The following DENND2B variants were observed in gnomAD, a reference collection of about 807,000 sequenced individuals.
DENND2B encodes the protein DENN domain-containing protein 2B.
A neutral mutation model predicts 116.0 loss-of-function variants in DENND2B; 32 were observed. That is an observed-to-expected ratio of 0.28 (90% CI 0.21 to 0.37). The LOEUF is 0.37. Ranked by LOEUF, DENND2B falls within the 10% of genes least tolerant of loss-of-function variation. The pLI, the probability that DENND2B is intolerant of heterozygous loss-of-function variation, is 1.00. For synonymous variants in DENND2B, 588 were observed against 583.9 expected (o/e 1.01, Z -0.10); for missense variants, 1,276 against 1,477.7 (o/e 0.86, Z 2.24).
chr11:8,716,903 A>T (rs1172822018), intron 5 of DENND2B, among the ~76,000 whole-genome samples: 1 of 152,224 alleles, frequency 6.6e-6, no homozygotes, highest in Non-Finnish European at 1.5e-5. Flanking sequence ...TTGGCCTCCC[A>T]AAGTGCTAGG....
At chr11:8,777,163 T>G (rs964113497) in intron 1 of DENND2B, among the ~76,000 whole-genome samples, 2 of 152,158 alleles carry the variant, frequency 1.3e-5, no homozygotes, top group Admixed American at 6.5e-5. Context: ...ATGCCTCACA[T>G]CTAGTCCTAA....
Position 8,712,625 on chromosome 11 carries a change from A to C in DENND2B, c.2098T>G (p.Phe700Val), listed in dbSNP as rs773783848. Reference protein sequence around the residue: ...EWQERELFEYFVVVSLKKKPS... With the variant: ...EWQERELFEYVVVVSLKKKPS... ...TTCTTCTTGAGGGACACCACCACAA[A>C]GTACTCAAAAAGCTCCCGCTCCTGC... The change falls in exon 9 of 20, where the codon TTT becomes GTT. Residue 700 changes from phenylalanine (F) to valine (V), a missense_variant. Physicochemically the swap from Phe to Val is conservative, Grantham distance 50. Coordinates refer to ENST00000313726, the MANE Select transcript of DENND2B (RefSeq NM_213618.2). The surrounding 1 kb of genome is among the most constrained non-coding windows in gnomAD (Gnocchi z 4.4). 4.5e-6 allele frequency: 7 copies of C among 1,569,854 alleles called. No homozygotes were observed. Among genetic ancestry groups the C allele is most frequent in the South Asian group, 1.2e-5 (1 of 85,490 alleles).
At chr11:8,823,858 T>A (rs538724317) in intron 4 of DENND2B, among the ~76,000 whole-genome samples, 94 of 152,124 alleles carry the variant, frequency 6.2e-4, no homozygotes, top group African/African-American at 2.2e-3. Flanking sequence ...ACCCTTTTTT[T>A]CCTTTTTTTG....
At chr11:8,729,217 C>T (rs573633795) in intron 3 of DENND2B, among the ~76,000 whole-genome samples, 2 of 152,290 alleles carry the variant, frequency 1.3e-5, no homozygotes, top group African/African-American at 4.8e-5. Context: ...AGGAAGCTCA[C>T]TCCCAGCCTA....
chr11:8,849,544 C>T (rs2062933650), intron 3 of DENND2B, among the ~76,000 whole-genome samples: 1 of 148,560 alleles, frequency 6.7e-6, no homozygotes, highest in Non-Finnish European at 1.5e-5. Context: ...ACTGATAAGG[C>T]CAGGCATGGT....
chr11:8,908,799 C>T (rs904102226), intron 1 of DENND2B, among the ~76,000 whole-genome samples: 1 of 152,136 alleles, frequency 6.6e-6, no homozygotes, highest in African/African-American at 2.4e-5. Flanking sequence ...ATTTTATGTG[C>T]ATTCTTTCCT....
intron 1 of DENND2B, among the ~76,000 whole-genome samples, chr11:8,889,516 C>T (rs1318486240): frequency 6.6e-6 from 1 of 152,062 alleles, no homozygotes; most frequent in Non-Finnish European, 1.5e-5. Flanking sequence ...TGACAGACAG[C>T]ACCTGGAAAA....
At chr11:8,819,244 A>G (rs1286220576) in intron 4 of DENND2B, among the ~76,000 whole-genome samples, 1 of 152,034 alleles carries the variant, frequency 6.6e-6, no homozygotes, top group East Asian at 1.9e-4. Context: ...AAAAATAAAA[A>G]ACAGCCAGGC....
chr11:8,837,210 G>C (rs1002233565), intron 4 of DENND2B, among the ~76,000 whole-genome samples: 1 of 148,698 alleles, frequency 6.7e-6, no homozygotes. Context: ...CAGGGATAAG[G>C]AAGAAATGTA....
chr11:8,696,068 A>G (rs1565610911), intron 18 of DENND2B: 2 of 278,334 alleles, frequency 7.2e-6, no homozygotes, highest in Non-Finnish European at 1.4e-5. Flanking sequence ...CTGTAAGGGA[A>G]TTCCCAACCA....
At chr11:8,713,643 G>A (rs2044188358) in intron 8 of DENND2B, among the ~76,000 whole-genome samples, 1 of 152,196 alleles carries the variant, frequency 6.6e-6, no homozygotes, top group African/African-American at 2.4e-5. Flanking sequence ...GCCTCCCAAA[G>A]TGCTGGGATT....
At chr11:8,902,466 T>C (rs2064182746) in intron 1 of DENND2B, among the ~76,000 whole-genome samples, 1 of 152,256 alleles carries the variant, frequency 6.6e-6, no homozygotes. Flanking sequence ...GCAAGTGCTA[T>C]ATCTTCCAGA....
intron 3 of DENND2B, among the ~76,000 whole-genome samples, chr11:8,850,468 G>C (rs2062966468): frequency 6.6e-6 from 1 of 151,016 alleles, no homozygotes; most frequent in African/African-American, 2.4e-5. Flanking sequence ...AATCATCAGG[G>C]AAATGCAAAT....
intron 1 of DENND2B, among the ~76,000 whole-genome samples, chr11:8,799,564 T>C (rs1286702542): frequency 3.1e-4 from 41 of 132,904 alleles, no homozygotes; most frequent in African/African-American, 1.1e-3. Flanking sequence ...TTTTTCTCTT[T>C]TTTTTTTTTT....
At chr11:8,749,540 C>G (rs74053141) in intron 2 of DENND2B, among the ~76,000 whole-genome samples, 2,468 of 152,260 alleles carry the variant, frequency 0.016, 69 homozygotes, top group African/African-American at 0.056. Flanking sequence ...GTGGGGAACC[C>G]CTGCCTCCTT....
chr11:8,720,916 G>A (rs1466807320), intron 4 of DENND2B, among the ~76,000 whole-genome samples: 1 of 152,172 alleles, frequency 6.6e-6, no homozygotes, highest in Non-Finnish European at 1.5e-5. Flanking sequence ...AAGGCTGAAT[G>A]GGAGATTCAG....
chr11:8,738,671 T>C (rs1171265011), intron 2 of DENND2B, among the ~76,000 whole-genome samples: 1 of 152,224 alleles, frequency 6.6e-6, no homozygotes, highest in Non-Finnish European at 1.5e-5. Flanking sequence ...TAAAGCAGTT[T>C]TGATCCATCC....
chr11:8,793,707 A>G lies in DENND2B; in HGVS notation c.-26+16810T>C, dbSNP rs532182406. ...GCAAGAATCTGAGTCCTTGTTTTCA[A>G]TTATTTTGGGCATATACCTAGGAGT... On this transcript the variant is annotated intron_variant, in intron 1 of 19. Transcript: ENST00000313726. Among the ~76,000 whole-genome samples the G allele has an allele frequency of 8.9e-4, 135 of 152,246 alleles. 1 individual carries two copies. The highest frequency in any genetic ancestry group is 3.0e-3 in the African/African-American group (125 of 41,538).
intron 1 of DENND2B, among the ~76,000 whole-genome samples, chr11:8,755,013 A>T (rs2053359689): frequency 6.6e-6 from 1 of 152,254 alleles, no homozygotes; most frequent in Non-Finnish European, 1.5e-5. Flanking sequence ...ATTTTACAGC[A>T]TGTTAATTAC....
Sources: gnomAD v4.1 joint callset for allele counts (sites outside exome capture counted in the v4.1 genomes callset) on GRCh38, gnomAD v4.1.1 for gene constraint, Gnocchi (gnomAD v3.1) non-coding constraint, MANE v1.5 for transcripts, NCBI Gene and HGNC (gene_info 2026-07-23, HGNC 2026-07-21) for gene names.